KDR: variants seen among roughly 807,000 people sequenced by gnomAD.
KDR encodes the protein kinase insert domain receptor, also known as vascular endothelial growth factor receptor 2.
KDR carries 43 observed loss-of-function variants against 160.9 expected under a neutral mutation model. That is an observed-to-expected ratio of 0.27 (90% CI 0.21 to 0.34). The LOEUF (loss-of-function observed/expected upper bound fraction) is 0.34. Ranked by LOEUF, KDR falls within the 10% of genes least tolerant of loss-of-function variation. The pLI is 1.00. For synonymous variants in KDR, 617 were observed against 600.1 expected, an observed-to-expected ratio of 1.03 and a Z score of -0.41; for missense variants, 1,469 against 1,666.4, an observed-to-expected ratio of 0.88 and a Z score of 2.06.
At position 55,125,213 on chromosome 4, in the gene KDR, AG is replaced by A. The variant is rs2110039223; in HGVS notation, c.67+13del. 2 of 1,610,470 alleles carry A rather than the reference AG, an allele frequency of 1.2e-6. No individual in the cohort carries two copies. The highest frequency in any genetic ancestry group is 4.5e-5 in the East Asian group (2 of 44,754). On this transcript the variant is annotated intron_variant, in intron 1 of 29. Coordinates refer to ENST00000263923, the MANE Select transcript of KDR (RefSeq NM_002253.4). ...CGACCTGTCTGCCTTCCTCCTCCAG[AG>A]TGGGCTCCTTACCCACAGAGGCGGC...
intron 2 of KDR, among the ~76,000 whole-genome samples, chr4:55,119,484 T>C (rs1460652219): frequency 6.6e-6 from 1 of 152,190 alleles, no homozygotes; most frequent in East Asian, 1.9e-4. Context: ...AAGTTTATTG[T>C]ATAAAAGATA....
intron 26 of KDR, 52 bp downstream of exon 26, chr4:55,088,816 C>A (rs1187027427): frequency 7.9e-7 from 1 of 1,258,096 alleles, no homozygotes; most frequent in Admixed American, 1.7e-5. Flanking sequence ...GTAGGAAAGT[C>A]CTTGACATCT....
intron 13 of KDR, among the ~76,000 whole-genome samples, chr4:55,103,447 G>A (rs1720364707): frequency 3.3e-5 from 5 of 152,168 alleles, no homozygotes; most frequent in Admixed American, 3.3e-4. Flanking sequence ...AGTCCTTAGG[G>A]AAGCAAAGCA....
At chr4:55,124,819 T>A (rs1720988739) in intron 1 of KDR, among the ~76,000 whole-genome samples, 1 of 152,162 alleles carries the variant, frequency 6.6e-6, no homozygotes, top group African/African-American at 2.4e-5. Flanking sequence ...GGCAAGGTTT[T>A]CTTCCCCGGG....
chr4:55,091,338 A>G (rs974448917), intron 22 of KDR, among the ~76,000 whole-genome samples: 1 of 152,184 alleles, frequency 6.6e-6, no homozygotes, highest in Non-Finnish European at 1.5e-5. Context: ...TTTCCCCCCA[A>G]ACAAAAAGTT....
chr4:55,117,093 C>A (rs114945394), intron 3 of KDR, among the ~76,000 whole-genome samples: 3,251 of 152,244 alleles, frequency 0.021, 41 homozygotes, highest in Middle Eastern at 0.041. Context: ...ACAGAGCAAG[C>A]CTTTGGAAGC....
intron 2 of KDR, among the ~76,000 whole-genome samples, 173 bp from the exon 3 acceptor site, chr4:55,118,973 C>T (rs559350099): frequency 6.6e-6 from 1 of 152,160 alleles, no homozygotes; most frequent in Admixed American, 6.5e-5. Flanking sequence ...CTTTGGGAGG[C>T]CAAGGCGGAT....
In KDR at chr4:55,104,783, A is replaced by G. The variant is rs754697860; in HGVS notation, c.1847T>C (p.Met616Thr). The change falls in exon 13 of 30, where the codon ATG (methionine) becomes ACG (threonine). Residue 616 changes from methionine to threonine, a missense_variant. Physicochemically the swap from Met to Thr is moderately conservative, Grantham distance 81. Around this residue, in one of 7 missense-constraint regions of KDR, gnomAD observed 792 missense variants for 840.9 expected, o/e 0.94. Coordinates refer to ENST00000263923, the MANE Select transcript of KDR (RefSeq NM_002253.4). ...LDTLWKLNAT[M>T]FSNSTNDILI... The stretch of plus-strand genomic sequence containing the variant: ...AATGTCATTTGTGCTATTAGAGAAC[A>G]TGGTGGCATTCAATTTCCAAAGAGT... 11 of 1,613,982 alleles carry G rather than the reference A, an allele frequency of 6.8e-6. No homozygotes were observed. In the South Asian group the frequency reaches 1.2e-4, roughly 18 times the overall value.
rs751347443 is a variant in KDR at position 55,125,201 on chromosome 4, T to A, written c.67+26A>T. ...TCCGCCCTCACCCGACCTGTCTGCC[T>A]TCCTCCTCCAGAGTGGGCTCCTTAC... is the stretch of plus-strand genomic sequence containing the variant. On this transcript the variant is annotated intron_variant, in intron 1 of 29. Transcript: ENST00000263923. The A allele has an allele frequency of 1.4e-5, 23 of 1,607,286 alleles. No homozygotes were observed. The East Asian group carries it at 5.1e-4, about 36-fold the overall frequency.
intron 3 of KDR, among the ~76,000 whole-genome samples, chr4:55,116,417 CA>C (rs66997115): frequency 0.082 from 7,725 of 94,686 alleles, 234 homozygotes; most frequent in African/African-American, 0.2. Flanking sequence ...AACTCCGTCT[CA>C]AAAAAAAAAA....
chr4:55,123,372 C>T (rs1294713186), intron 1 of KDR, among the ~76,000 whole-genome samples: 3 of 152,162 alleles, frequency 2.0e-5, no homozygotes, highest in Non-Finnish European at 2.9e-5. Context: ...ACTGTGCCCA[C>T]TCGGCTACCA....
rs1285248181 is a variant in KDR at position 55,082,571 on chromosome 4, G to A, written c.3727C>T (p.Pro1243Ser). ...ACTTTTACTTCTGGTTCTTCTAACG[G>A]GATATCTTCAAATGTTTTTACACTC... Reference protein sequence around the residue: ...PVSVKTFEDIPLEEPEVKVIP... With the variant: ...PVSVKTFEDISLEEPEVKVIP... Residue 1243 changes from proline to serine, a missense_variant, in exon 28 of 30, where the codon CCG (proline) becomes TCG (serine). This residue lies in a region of KDR where 229 missense variants were observed against 197.8 expected (regional missense o/e 1.16). Coordinates refer to ENST00000263923, the MANE Select transcript of KDR (RefSeq NM_002253.4). The A allele has an allele frequency of 2.5e-6, 4 of 1,613,644 alleles. No individual in the cohort carries two copies. In the Admixed American group the frequency reaches 5.0e-5, roughly 20 times the overall value.
At chr4:55,080,247 T>C in intron 29 of KDR, 84 bp from the exon 30 acceptor site, 1 of 1,206,372 alleles carries the variant, frequency 8.3e-7, no homozygotes, top group Non-Finnish European at 1.2e-6. Flanking sequence ...CCCAACTCCA[T>C]ATGGCTGCCA....
rs753418486 is a variant in KDR, at chr4:55,101,920, A to C, written c.2243T>G (p.Val748Gly). 6 of 1,613,426 alleles carry C rather than the reference A, an allele frequency of 3.7e-6. No homozygotes were observed. The East Asian group carries it at 6.7e-5, about 18-fold the overall frequency. Reference protein sequence around the residue: ...QACSVLGCAKVEAFFIIEGAQ... With the variant: ...QACSVLGCAKGEAFFIIEGAQ... Reference sequence around the variant, plus strand: ...ACCTTCTATTATGAAAAATGCCTCCACTTTTGCACAGCCAAGAACACTGCA... The same window carrying C: ...ACCTTCTATTATGAAAAATGCCTCCCCTTTTGCACAGCCAAGAACACTGCA... The change falls in exon 15 of 30, where the codon GTG becomes GGG. Residue 748 changes from valine (V) to glycine (G), a missense_variant. This residue lies in a region of KDR where 118 missense variants were observed against 110.8 expected (regional missense o/e 1.06). Coordinates refer to ENST00000263923, the MANE Select transcript of KDR (RefSeq NM_002253.4).
intron 3 of KDR, among the ~76,000 whole-genome samples, chr4:55,116,809 TG>T (rs1455394045): frequency 6.6e-6 from 1 of 152,118 alleles, no homozygotes; most frequent in Non-Finnish European, 1.5e-5. Flanking sequence ...CTGAAGAGAA[TG>T]GGGTCAGAAG....
chr4:55,110,391 G>T lies in KDR; in HGVS notation c.1255+12C>A, dbSNP rs199919978. The T allele has an allele frequency of 1.3e-4, 207 of 1,613,310 alleles. No individual in the cohort carries two copies. The highest frequency in any genetic ancestry group is 1.6e-4 in the Non-Finnish European group (189 of 1,179,454). On this transcript the variant is annotated intron_variant, in intron 9 of 29. Coordinates refer to ENST00000263923, the MANE Select transcript of KDR (RefSeq NM_002253.4). Reference sequence around the variant, plus strand: ...TAAATCTTGGGCAGAGAGGAAAATTGAATGGACTCACCATACACAACCAGA... The same window carrying T: ...TAAATCTTGGGCAGAGAGGAAAATTTAATGGACTCACCATACACAACCAGA...
Position 55,089,038 on chromosome 4 carries a change from T to C in KDR, c.3405-65A>G, listed in dbSNP as rs41446344. On this transcript the variant is annotated intron_variant, in intron 25 of 29. Transcript: ENST00000263923. ...CTTCCTGAATGCTGAAAATAAGCAC[T>C]TAAATGAGTACACATTTGTAAAGAG... 1.5e-3 allele frequency: 1,758 copies of C among 1,138,780 alleles called. 18 individuals carry two copies. In the African/African-American group the frequency reaches 0.021, roughly 13 times the overall value. The allele number at this position is 1,138,780 out of a possible 1,614,324, so 70.5% of individuals were successfully genotyped here.
At chr4:55,108,429 G>A (rs1002112605) in intron 9 of KDR, among the ~76,000 whole-genome samples, 1 of 152,116 alleles carries the variant, frequency 6.6e-6, no homozygotes, top group African/African-American at 2.4e-5. Flanking sequence ...GCCAAGCATT[G>A]TTTGAAGTGC....
intron 27 of KDR, among the ~76,000 whole-genome samples, chr4:55,086,926 G>T (rs1719880227): frequency 6.6e-6 from 1 of 152,200 alleles, no homozygotes; most frequent in South Asian, 2.1e-4. Context: ...CCCAGCCTTA[G>T]TAAAGGGCAA....
Sources: allele counts gnomAD v4.1 joint callset (sites outside exome capture counted in the v4.1 genomes callset), GRCh38; gene constraint gnomAD v4.1.1; regional missense constraint gnomAD v4.1.1; transcripts MANE v1.5; gene names NCBI Gene and HGNC (gene_info 2026-07-23, HGNC 2026-07-21).